Variants in UNC5A observed in about 807,000 individuals in gnomAD.
The protein encoded by UNC5A is netrin receptor UNC5A.
UNC5A carries 20 observed loss-of-function variants against 87.4 expected under a neutral mutation model. That is an observed-to-expected ratio of 0.23 (90% CI 0.16 to 0.33). UNC5A has a LOEUF of 0.33. Ranked by LOEUF, UNC5A falls within the 10% of genes least tolerant of loss-of-function variation. The pLI is 1.00. For missense variants in UNC5A, 844 were observed against 1,133.4 expected, an observed-to-expected ratio of 0.74 and a Z score of 3.67; for synonymous variants, 438 against 482.3, an observed-to-expected ratio of 0.91 and a Z score of 1.20.
In UNC5A at chr5:176,869,043, G is replaced by A; in HGVS notation, c.721+79G>A. 1.4e-6 allele frequency: 2 copies of A among 1,462,744 alleles called. No homozygotes were observed. Among genetic ancestry groups the A allele is most frequent in the South Asian group, 1.3e-5 (1 of 75,314 alleles). 90.6% of individuals were successfully genotyped at this position (1,462,744 alleles called of 1,614,324 possible). A position where few individuals can be genotyped will look rare whatever the true frequency, so the allele number is the denominator to read the frequency against. On this transcript the variant is annotated intron_variant, in intron 5 of 14. Coordinates refer to ENST00000329542, the MANE Select transcript of UNC5A (RefSeq NM_133369.3). This position sits in a 1 kb window ranked among gnomAD's most constrained non-coding sequence, Gnocchi z 9.1. ...AGTGACATGTGGCTGGTGGGGTGAA[G>A]AGAGGCCATGAGGCCAAAGCCAGGT... is the stretch of plus-strand genomic sequence containing the variant.
intron 1 of UNC5A, among the ~76,000 whole-genome samples, chr5:176,843,395 T>G (rs1757327250): frequency 6.7e-6 from 1 of 149,032 alleles, no homozygotes; most frequent in African/African-American, 2.5e-5. Context: ...CCCATTGCGG[T>G]GACATTCTAG....
In UNC5A at chr5:176,875,757, C is replaced by T. The variant is rs1009206002; in HGVS notation, c.1378+1191C>T. 2.6e-5 allele frequency among the ~76,000 whole-genome samples: 4 copies of T among 152,190 alleles called. No homozygotes were observed. The highest frequency in any genetic ancestry group is 4.4e-5 in the Non-Finnish European group (3 of 68,022). On this transcript the variant is annotated intron_variant, in intron 8 of 14. Coordinates refer to ENST00000329542, the MANE Select transcript of UNC5A (RefSeq NM_133369.3). The surrounding 1 kb of genome is among the most constrained non-coding windows in gnomAD (Gnocchi z 5.2). The stretch of plus-strand genomic sequence containing the variant: ...TCCCTCACACACATCGTCCCGCACA[C>T]GGCAGCCACCATGGACTCAACATCC...
chr5:176,852,129 C>T (rs1042751117), intron 1 of UNC5A, among the ~76,000 whole-genome samples: 6 of 152,200 alleles, frequency 3.9e-5, no homozygotes, highest in Non-Finnish European at 7.3e-5. Flanking sequence ...CTCTCTCAGC[C>T]GGGGCTGCCA....
chr5:176,814,481 C>T (rs559481527), intron 1 of UNC5A, among the ~76,000 whole-genome samples: 2 of 152,344 alleles, frequency 1.3e-5, no homozygotes, highest in South Asian at 4.1e-4. Context: ...AACACCCCAA[C>T]GTTGGCTCTG....
intron 1 of UNC5A, among the ~76,000 whole-genome samples, chr5:176,813,253 C>G (rs1021425135): frequency 3.9e-5 from 6 of 152,236 alleles, no homozygotes; most frequent in African/African-American, 1.4e-4. Flanking sequence ...CCTCTGCAGT[C>G]TTGAGCAGGA....
In UNC5A at chr5:176,869,505, C is replaced by A. The variant is rs1758058006; in HGVS notation, c.721+541C>A. On this transcript the variant is annotated intron_variant, in intron 5 of 14. Transcript: ENST00000329542. This position sits in a 1 kb window ranked among gnomAD's most constrained non-coding sequence, Gnocchi z 9.1. ...GCCTTCTCTCCCAGCTCAGCCACAG[C>A]CCACCCGTGTCCAGCTCACAGCCCC... 3.3e-6 allele frequency: 2 copies of A among 601,098 alleles called. No individual in the cohort carries two copies. Among genetic ancestry groups the A allele is most frequent in the Non-Finnish European group, 6.0e-6 (2 of 331,352 alleles). 37.2% of individuals were successfully genotyped at this position (601,098 alleles called of 1,614,324 possible).
At chr5:176,877,406 GC>G in intron 9 of UNC5A, 127 bp downstream of exon 9, 1 of 1,332,908 alleles carries the variant, frequency 7.5e-7, no homozygotes, top group Non-Finnish European at 1.0e-6. Context: ...CTATGCCTAA[GC>G]CCCACGTGGT....
Position 176,877,290 on chromosome 5 carries a change from G to A in UNC5A, c.1466+11G>A, listed in dbSNP as rs199648696. On this transcript the variant is annotated intron_variant, in intron 9 of 14. Transcript: ENST00000329542. ...GCCGGAAGACGTGAGGTGTGGCCGCGGGCCCTGTTGCCGGGGGTGGGAGGG... is the reference window on the plus strand; with the variant it reads ...GCCGGAAGACGTGAGGTGTGGCCGCAGGCCCTGTTGCCGGGGGTGGGAGGG... The A allele has an allele frequency of 8.7e-6, 14 of 1,608,674 alleles. No homozygotes were observed. The highest frequency in any genetic ancestry group is 4.5e-5 in the East Asian group (2 of 44,856).
At chr5:176,856,484 G>A (rs80133044) in intron 1 of UNC5A, among the ~76,000 whole-genome samples, 5,259 of 152,288 alleles carry the variant, frequency 0.035, 137 homozygotes, top group Middle Eastern at 0.065. Flanking sequence ...CACTCCATCA[G>A]CATCCTGGTG....
At chr5:176,822,224 G>A (rs951578076) in intron 1 of UNC5A, among the ~76,000 whole-genome samples, 6 of 152,264 alleles carry the variant, frequency 3.9e-5, no homozygotes, top group Non-Finnish European at 7.3e-5. Context: ...TGTGTGGCCC[G>A]CGGGGCGGGG....
chr5:176,868,678 T>C lies in UNC5A; in HGVS notation c.540+14T>C. The C allele has an allele frequency of 6.2e-7, 1 of 1,601,790 alleles. No individual in the cohort carries two copies. Among genetic ancestry groups the C allele is most frequent in the South Asian group, 1.1e-5 (1 of 90,336 alleles). On this transcript the variant is annotated intron_variant, in intron 4 of 14. Coordinates refer to ENST00000329542, the MANE Select transcript of UNC5A (RefSeq NM_133369.3). Reference sequence around the variant, plus strand: ...CCTCCAGCCGAGGTGAGGGCTCCTCTAGTGCCCACGTCTGGACCTGGGCTC... The same window carrying C: ...CCTCCAGCCGAGGTGAGGGCTCCTCCAGTGCCCACGTCTGGACCTGGGCTC...
intron 1 of UNC5A, among the ~76,000 whole-genome samples, chr5:176,847,202 G>C (rs927236220): frequency 6.6e-6 from 1 of 152,204 alleles, no homozygotes; most frequent in Non-Finnish European, 1.5e-5. Context: ...GGTGGTCTTC[G>C]CTGATGAAAG....
At chr5:176,863,102 A>G (rs1757882364) in intron 2 of UNC5A, among the ~76,000 whole-genome samples, 2 of 152,122 alleles carry the variant, frequency 1.3e-5, no homozygotes, top group African/African-American at 4.8e-5. Flanking sequence ...ATTCACTCAC[A>G]CCTGTGAGCA....
At chr5:176,862,442 G>A (rs1439812120) in intron 1 of UNC5A, among the ~76,000 whole-genome samples, 182 bp from the exon 2 acceptor site, 1 of 152,238 alleles carries the variant, frequency 6.6e-6, no homozygotes, top group Non-Finnish European at 1.5e-5. Flanking sequence ...GTACAGAGGA[G>A]GACATGGAGG....
intron 1 of UNC5A, among the ~76,000 whole-genome samples, chr5:176,831,209 C>G (rs367669541): frequency 6.6e-6 from 1 of 152,148 alleles, no homozygotes; most frequent in Non-Finnish European, 1.5e-5. Context: ...TACCTGCTGT[C>G]GCCATACAAG....
intron 13 of UNC5A, among the ~76,000 whole-genome samples, chr5:176,879,002 C>T (rs1031510709): frequency 6.6e-6 from 1 of 152,032 alleles, no homozygotes; most frequent in Non-Finnish European, 1.5e-5. Flanking sequence ...GGACTCAGGC[C>T]GTGAAGAGAG....
At position 176,848,106 on chromosome 5, in the gene UNC5A, C is replaced by A. The variant is rs576958325; in HGVS notation, c.71-14518C>A. On this transcript the variant is annotated intron_variant, in intron 1 of 14. Transcript: ENST00000329542. This position sits in a 1 kb window ranked among gnomAD's most constrained non-coding sequence, Gnocchi z 5.8. The stretch of plus-strand genomic sequence containing the variant: ...CCCCTACTGACCAGCTGACCAGCAG[C>A]CCCCACGCTGCGGCCTCCTCCAGGC... Among the ~76,000 whole-genome samples the A allele has an allele frequency of 5.4e-5, 8 of 148,366 alleles. No homozygotes were observed. In the South Asian group the frequency reaches 1.5e-3, roughly 28 times the overall value.
intron 2 of UNC5A, 74 bp from the exon 3 acceptor site, chr5:176,868,056 G>A (rs1473487642): frequency 2.1e-6 from 3 of 1,454,234 alleles, no homozygotes; most frequent in Admixed American, 2.3e-5. Flanking sequence ...AGTGGCTGAG[G>A]GTGGCGCAGG....
chr5:176,829,698 G>A (rs1280793526), intron 1 of UNC5A, among the ~76,000 whole-genome samples: 1 of 151,942 alleles, frequency 6.6e-6, no homozygotes, highest in Non-Finnish European at 1.5e-5. Context: ...GATTGTTCAC[G>A]GGGCACAGAA....
Sources: allele counts gnomAD v4.1 joint callset (sites outside exome capture counted in the v4.1 genomes callset), GRCh38; gene constraint gnomAD v4.1.1; non-coding constraint Gnocchi (gnomAD v3.1); transcripts MANE v1.5; gene names NCBI Gene and HGNC (gene_info 2026-07-23, HGNC 2026-07-21).